Variants in LIMA1 observed in about 807,000 individuals in gnomAD.
The protein encoded by LIMA1 is LIM domain and actin binding 1.
A neutral mutation model predicts 62.6 loss-of-function variants in LIMA1; 52 were observed. The ratio of observed to expected loss-of-function variants is 0.83; its 90% CI spans 0.67 to 1.05. The LOEUF (loss-of-function observed/expected upper bound fraction) is 1.05, where lower values mean the gene tolerates loss of function less well. Among genes scored for constraint, LIMA1 ranks in the 50% least tolerant of loss-of-function variants. LIMA1 has a pLI of 0.00. For missense variants in LIMA1, 780 were observed against 902.2 expected (o/e 0.86, Z 1.74); for synonymous variants, 302 against 317.8 (o/e 0.95, Z 0.53).
intron 1 of LIMA1, among the ~76,000 whole-genome samples, chr12:50,257,955 C>T (rs566714303): frequency 1.1e-4 from 16 of 152,330 alleles, no homozygotes; most frequent in Admixed American, 5.2e-4. Flanking sequence ...GTATTATAAT[C>T]CAATACTATC....
At chr12:50,182,358 C>CG (rs553599275) in intron 9 of LIMA1, among the ~76,000 whole-genome samples, 256 of 102,408 alleles carry the variant, frequency 2.5e-3, no homozygotes, top group Middle Eastern at 9.5e-3. Context: ...GGGAAGGGGT[C>CG]GGGGGGGGGA....
intron 9 of LIMA1, among the ~76,000 whole-genome samples, chr12:50,183,703 C>T (rs993142565): frequency 4.2e-5 from 6 of 143,674 alleles, no homozygotes; most frequent in East Asian, 2.2e-4. Flanking sequence ...CCCAGCTACT[C>T]GGGAGGCTGA....
At chr12:50,282,726 C>G (rs111390468) in intron 1 of LIMA1, among the ~76,000 whole-genome samples, 75 of 152,316 alleles carry the variant, frequency 4.9e-4, no homozygotes, top group African/African-American at 1.5e-3. Context: ...TATCTCTCAC[C>G]AGGATCAGCT....
At chr12:50,280,778 C>G (rs997493390) in intron 1 of LIMA1, among the ~76,000 whole-genome samples, 1 of 152,164 alleles carries the variant, frequency 6.6e-6, no homozygotes, top group Non-Finnish European at 1.5e-5. Context: ...GTAGAAACTA[C>G]TTCATTTACA....
intron 2 of LIMA1, among the ~76,000 whole-genome samples, chr12:50,240,806 A>G (rs1009480129): frequency 6.6e-6 from 1 of 152,298 alleles, no homozygotes; most frequent in Admixed American, 6.5e-5. Context: ...ACAGGAGTAG[A>G]TGACATCTGC....
intron 4 of LIMA1, among the ~76,000 whole-genome samples, chr12:50,216,853 ACT>A (rs1254223782): frequency 1.3e-5 from 2 of 151,982 alleles, no homozygotes; most frequent in Non-Finnish European, 1.5e-5. Context: ...ATAGAATGAG[ACT>A]CTGTTTCAAA....
chr12:50,273,049 CA>C (rs767351049), intron 1 of LIMA1, among the ~76,000 whole-genome samples: 3,088 of 111,920 alleles, frequency 0.028, 29 homozygotes, highest in Non-Finnish European at 0.041. Flanking sequence ...GACTCTGTCT[CA>C]AAAAAAAAAA....
At chr12:50,205,621 A>G (rs1460496583) in intron 5 of LIMA1, among the ~76,000 whole-genome samples, 1 of 152,066 alleles carries the variant, frequency 6.6e-6, no homozygotes, top group Non-Finnish European at 1.5e-5. Flanking sequence ...CTCAAACCCC[A>G]GATGACTGGA....
At chr12:50,257,168 C>T (rs1942007187) in intron 1 of LIMA1, among the ~76,000 whole-genome samples, 1 of 152,174 alleles carries the variant, frequency 6.6e-6, no homozygotes, top group African/African-American at 2.4e-5. Context: ...TTTTCTGTTA[C>T]TGTCATCCTT....
intron 1 of LIMA1, among the ~76,000 whole-genome samples, chr12:50,276,800 G>A (rs974332344): frequency 6.6e-6 from 1 of 151,990 alleles, no homozygotes. Context: ...AACCCTGGAG[G>A]AGGAGGCTAG....
intron 4 of LIMA1, among the ~76,000 whole-genome samples, chr12:50,209,986 A>C (rs972038123): frequency 6.6e-6 from 1 of 152,210 alleles, no homozygotes; most frequent in Non-Finnish European, 1.5e-5. Flanking sequence ...TGTTTTCAAC[A>C]TACTTCTTAT....
chr12:50,195,730 A>T, intron 8 of LIMA1, 100 bp downstream of exon 8: 1 of 1,150,826 alleles, frequency 8.7e-7, no homozygotes, highest in Non-Finnish European at 1.2e-6. Context: ...AGGATTTACT[A>T]TGTTATTTTC....
At chr12:50,275,136 C>T (rs1459505565) in intron 1 of LIMA1, among the ~76,000 whole-genome samples, 1 of 151,898 alleles carries the variant, frequency 6.6e-6, no homozygotes, top group Non-Finnish European at 1.5e-5. Flanking sequence ...GTGGGCAGAT[C>T]ACTTGAGGCC....
At chr12:50,243,098 A>T (rs377390538) in intron 2 of LIMA1, among the ~76,000 whole-genome samples, 5 of 152,344 alleles carry the variant, frequency 3.3e-5, no homozygotes, top group African/African-American at 1.2e-4. Flanking sequence ...CTTACCTCAA[A>T]TTTAACGACT....
At chr12:50,178,966 A>ATTTTTTTTTTTTTTTTTT (rs1555203081) in intron 10 of LIMA1, among the ~76,000 whole-genome samples, 4 of 128,922 alleles carry the variant, frequency 3.1e-5, no homozygotes, top group East Asian at 2.1e-4. Context: ...ATATATATAT[A>ATTTTTTTTTTTTTTTTTT]TTTTTTTTTT....
At chr12:50,244,551 G>A (rs1166185971) in intron 2 of LIMA1, among the ~76,000 whole-genome samples, 4 of 152,102 alleles carry the variant, frequency 2.6e-5, no homozygotes, top group African/African-American at 9.7e-5. Flanking sequence ...AATAGTATGT[G>A]TTTCTATCAA....
intron 1 of LIMA1, among the ~76,000 whole-genome samples, chr12:50,264,414 A>G (rs977366438): frequency 1.3e-5 from 2 of 152,224 alleles, no homozygotes; most frequent in African/African-American, 4.8e-5. Context: ...CTTGAAAATC[A>G]TTAGACTCGA....
intron 4 of LIMA1, among the ~76,000 whole-genome samples, chr12:50,211,333 A>C (rs1202283813): frequency 3.2e-4 from 45 of 140,934 alleles, no homozygotes; most frequent in African/African-American, 9.9e-4. Flanking sequence ...CACCCCCCCA[A>C]AAAAAAAAAA....
chr12:50,274,657 CTG>C lies in LIMA1; in HGVS notation c.-24+8761_-24+8762del, dbSNP rs960066301. Among the ~76,000 whole-genome samples the C allele has an allele frequency of 1.4e-4, 21 of 151,792 alleles. No individual in the cohort carries two copies. The East Asian group carries it at 4.1e-3, about 29-fold the overall frequency. The stretch of plus-strand genomic sequence containing the variant: ...ACTGGAGAAGCCGGACAATTAAAGA[CTG>C]TGATTAGTGGTGTGAAGGAAATACA... On this transcript the variant is annotated intron_variant, in intron 1 of 10. Coordinates refer to ENST00000341247, the MANE Select transcript of LIMA1 (RefSeq NM_016357.5).
Sources: gnomAD v4.1 joint callset for allele counts (sites outside exome capture counted in the v4.1 genomes callset) on GRCh38, gnomAD v4.1.1 for gene constraint, MANE v1.5 for transcripts, NCBI Gene and HGNC (gene_info 2026-07-23, HGNC 2026-07-21) for gene names.